The following OR5A1 variants were observed in gnomAD, a reference collection of about 807,000 sequenced individuals.
OR5A1 encodes the protein olfactory receptor family 5 subfamily A member 1, also known as olfactory receptor 5A1.
A neutral mutation model predicts 6.7 loss-of-function variants in OR5A1; 6 were observed. The ratio of observed to expected loss-of-function variants is 0.89; its 90% CI spans 0.49 to 1.76. OR5A1 has a LOEUF of 1.76. Among genes scored for constraint, OR5A1 ranks in the 40% most tolerant of loss-of-function variants. The pLI is 0.01. For synonymous variants in OR5A1, 170 were observed against 155.0 expected (o/e 1.10, Z -0.72); for missense variants, 378 against 381.7 (o/e 0.99, Z 0.08).
rs1179286329 is a variant in OR5A1, at chr11:59,451,334, C to T, written c.*7218C>T. 1 of 152,074 alleles carries T rather than the reference C, an allele frequency of 6.6e-6. No homozygotes were observed. Among genetic ancestry groups the T allele is most frequent in the Non-Finnish European group, 1.5e-5 (1 of 68,014 alleles). The allele number at this position is 152,074 out of a possible 1,614,324, so 9.4% of individuals were successfully genotyped here. On this transcript the variant is annotated 3_prime_UTR_variant, in exon 2 of 2. Transcript: ENST00000641045. ...CAAGAGATCCTCCCTCCTTGGCCTC[C>T]TAATATATTTATCTGATCAATAGTT...
At position 59,444,183 on chromosome 11, in the gene OR5A1, C is replaced by T. The variant is rs1306183855; in HGVS notation, c.*67C>T. Reference sequence around the variant, plus strand: ...AAACAATCCAAGCCTTCACCTCCACCTCTGCCTCAGGCAAGGGAGATATTT... The same window carrying T: ...AAACAATCCAAGCCTTCACCTCCACTTCTGCCTCAGGCAAGGGAGATATTT... On this transcript the variant is annotated 3_prime_UTR_variant, in exon 2 of 2. Transcript: ENST00000641045. 5.6e-6 allele frequency: 6 copies of T among 1,076,538 alleles called. No individual in the cohort carries two copies. The highest frequency in any genetic ancestry group is 8.3e-6 in the Non-Finnish European group (6 of 726,054). 66.7% of individuals were successfully genotyped at this position (1,076,538 alleles called of 1,614,324 possible).
At position 59,448,432 on chromosome 11, in the gene OR5A1, A is replaced by G. The variant is rs936778568; in HGVS notation, c.*4316A>G. On this transcript the variant is annotated 3_prime_UTR_variant, in exon 2 of 2. Transcript: ENST00000641045. ...CAATTTGTCAGTATCTCCAGGTCTC[A>G]GTCAAGGCCTCTTTATGATGACGTT... The G allele has an allele frequency of 2.0e-5, 3 of 152,330 alleles. No individual in the cohort carries two copies. The highest frequency in any genetic ancestry group is 7.2e-5 in the African/African-American group (3 of 41,576). The allele number at this position is 152,330 out of a possible 1,614,324, so 9.4% of individuals were successfully genotyped here. A position where few individuals can be genotyped will look rare whatever the true frequency, so the allele number is the denominator to read the frequency against.
At chr11:59,439,157 A>G (rs534203428) in intron 1 of OR5A1, among the ~76,000 whole-genome samples, 5 of 152,338 alleles carry the variant, frequency 3.3e-5, no homozygotes, top group African/African-American at 9.6e-5. Context: ...AAATTTTGTT[A>G]CAAAGTTTAA....
At chr11:59,442,988 T>A in intron 1 of OR5A1, 148 bp from the exon 2 acceptor site, 1 of 589,920 alleles carries the variant, frequency 1.7e-6, no homozygotes, top group Non-Finnish European at 3.0e-6. Flanking sequence ...CTCCCTTCTT[T>A]GAGAGAGAGA....
rs1005181995 is a variant in OR5A1, at chr11:59,449,945, T to C, written c.*5829T>C. The C allele has an allele frequency of 2.2e-4, 33 of 152,052 alleles. No homozygotes were observed. Among genetic ancestry groups the C allele is most frequent in the African/African-American group, 7.2e-4 (30 of 41,388 alleles). 9.4% of individuals were successfully genotyped at this position (152,052 alleles called of 1,614,324 possible). The stretch of plus-strand genomic sequence containing the variant: ...AATCCTTGCCTTCAGGGAGTTTACA[T>C]TGGGAGGAAAAGGCAGACACACATA... On this transcript the variant is annotated 3_prime_UTR_variant, in exon 2 of 2. Coordinates refer to ENST00000641045, the MANE Select transcript of OR5A1 (RefSeq NM_001004728.2).
At position 59,443,838 on chromosome 11, in the gene OR5A1, A is replaced by G. The variant is rs763755610; in HGVS notation, c.670A>G (p.Ile224Val). Reference sequence around the variant, plus strand: ...CCAACTCCTTATCTCCTATGGTTACATAGTGTCTGCGGTCCTGAAGATCCC... The same window carrying G: ...CCAACTCCTTATCTCCTATGGTTACGTAGTGTCTGCGGTCCTGAAGATCCC... ...FLQLLISYGY[I>V]VSAVLKIPSA... is the part of the protein sequence containing the mutation. The change falls in exon 2 of 2, where the codon ATA (isoleucine) becomes GTA (valine). Residue 224 changes from isoleucine (I) to valine (V), a missense_variant. By Grantham distance (29) the Ile-to-Val change is conservative. Transcript: ENST00000641045. The G allele has an allele frequency of 3.7e-6, 6 of 1,614,010 alleles. No individual in the cohort carries two copies. Among genetic ancestry groups the G allele is most frequent in the Non-Finnish European group, 5.1e-6 (6 of 1,179,974 alleles).
In OR5A1 at chr11:59,444,199, G is replaced by A; in HGVS notation, c.*83G>A. On this transcript the variant is annotated 3_prime_UTR_variant, in exon 2 of 2. Transcript: ENST00000641045. ...CACCTCCACCTCTGCCTCAGGCAAG[G>A]GAGATATTTGGTGCTCTCATTTGTG... 1.1e-6 allele frequency: 1 copy of A among 894,140 alleles called. No homozygotes were observed. The highest frequency in any genetic ancestry group is 1.6e-5 in the South Asian group (1 of 63,466). The allele number at this position is 894,140 out of a possible 1,614,324, so 55.4% of individuals were successfully genotyped here. A position where few individuals can be genotyped will look rare whatever the true frequency, so the allele number is the denominator to read the frequency against.
chr11:59,440,955 T>TA (rs1458307938), intron 1 of OR5A1, among the ~76,000 whole-genome samples: 1 of 151,998 alleles, frequency 6.6e-6, no homozygotes, highest in African/African-American at 2.4e-5. Flanking sequence ...GGTTTAGCAA[T>TA]AAAAAATAAG....
chr11:59,441,210 T>A (rs1858477220), intron 1 of OR5A1, among the ~76,000 whole-genome samples: 1 of 152,198 alleles, frequency 6.6e-6, no homozygotes. Flanking sequence ...ATGACTTCTA[T>A]AATATATACA....
rs964359871 is a variant in OR5A1, at chr11:59,447,721, T to A, written c.*3605T>A. 4 of 152,190 alleles carry A rather than the reference T, an allele frequency of 2.6e-5. No individual in the cohort carries two copies. 9.4% of individuals were successfully genotyped at this position (152,190 alleles called of 1,614,324 possible). A position where few individuals can be genotyped will look rare whatever the true frequency, so the allele number is the denominator to read the frequency against. On this transcript the variant is annotated 3_prime_UTR_variant, in exon 2 of 2. Transcript: ENST00000641045. ...TTAATAATGTTAAATCGACAGATAA[T>A]GTTCTGTTGGAGGACATGGCTTTGA... is the stretch of plus-strand genomic sequence containing the variant.
intron 1 of OR5A1, among the ~76,000 whole-genome samples, chr11:59,439,808 A>G (rs1858461924): frequency 6.6e-6 from 1 of 152,204 alleles, no homozygotes; most frequent in Non-Finnish European, 1.5e-5. Flanking sequence ...CCTCACTCGT[A>G]AACACTTCTT....
In OR5A1 at chr11:59,450,196, A is replaced by G. The variant is rs1858601204; in HGVS notation, c.*6080A>G. 1 of 152,240 alleles carries G rather than the reference A, an allele frequency of 6.6e-6. No individual in the cohort carries two copies. 9.4% of individuals were successfully genotyped at this position (152,240 alleles called of 1,614,324 possible). A position where few individuals can be genotyped will look rare whatever the true frequency, so the allele number is the denominator to read the frequency against. On this transcript the variant is annotated 3_prime_UTR_variant, in exon 2 of 2. Coordinates refer to ENST00000641045, the MANE Select transcript of OR5A1 (RefSeq NM_001004728.2). ...TGTTCAATCATGCAACCCTGAGGTT[A>G]CAAAATAGAAAGGCTATCGTTTGAT... is the stretch of plus-strand genomic sequence containing the variant.
intron 1 of OR5A1, among the ~76,000 whole-genome samples, chr11:59,441,650 C>T (rs373373262): frequency 4.9e-4 from 75 of 152,292 alleles, no homozygotes; most frequent in African/African-American, 1.6e-3. Context: ...GATTAATGTG[C>T]ATTGAGACTC....
chr11:59,441,289 T>C (rs1313433642), intron 1 of OR5A1, among the ~76,000 whole-genome samples: 1 of 151,688 alleles, frequency 6.6e-6, no homozygotes, highest in African/African-American at 2.4e-5. Context: ...ACATAAAAAG[T>C]ATACACCAAA....
chr11:59,444,228 A>G lies in OR5A1; in HGVS notation c.*112A>G. On this transcript the variant is annotated 3_prime_UTR_variant, in exon 2 of 2. Coordinates refer to ENST00000641045, the MANE Select transcript of OR5A1 (RefSeq NM_001004728.2). ...ATATTTGGTGCTCTCATTTGTGGAGACTCTTCCCTCCAGATTCCTCTCACC... is the reference window on the plus strand; with the variant it reads ...ATATTTGGTGCTCTCATTTGTGGAGGCTCTTCCCTCCAGATTCCTCTCACC... 1.5e-6 allele frequency: 1 copy of G among 674,344 alleles called. No individual in the cohort carries two copies. Among genetic ancestry groups the G allele is most frequent in the Non-Finnish European group, 2.5e-6 (1 of 403,982 alleles). 41.8% of individuals were successfully genotyped at this position (674,344 alleles called of 1,614,324 possible). A position where few individuals can be genotyped will look rare whatever the true frequency, so the allele number is the denominator to read the frequency against.
chr11:59,438,698 C>G (rs1858449309), intron 1 of OR5A1, among the ~76,000 whole-genome samples: 1 of 152,172 alleles, frequency 6.6e-6, no homozygotes, highest in Non-Finnish European at 1.5e-5. Flanking sequence ...CACACAGCCT[C>G]AATTATTAGT....
chr11:59,444,127 G>C lies in OR5A1; in HGVS notation c.*11G>C. On this transcript the variant is annotated 3_prime_UTR_variant, in exon 2 of 2. Coordinates refer to ENST00000641045, the MANE Select transcript of OR5A1 (RefSeq NM_001004728.2). ...AAAGTGTTTTCTTAGGTCATGCGTA[G>C]AAACTTATTTATCCAAACTGCTGGA... 2.5e-6 allele frequency: 4 copies of C among 1,569,560 alleles called. No individual in the cohort carries two copies. Among genetic ancestry groups the C allele is most frequent in the South Asian group, 2.2e-5 (2 of 89,614 alleles).
At position 59,436,909 on chromosome 11, in the gene OR5A1, CA is replaced by C. The variant is rs1858422435; in HGVS notation, c.-34+75del. On this transcript the variant is annotated intron_variant, in intron 1 of 1. Transcript: ENST00000641045. ...ATAGAATTCCCTATATCCACAAGCC[CA>C]TATAGGTAACCAATAAGTTCTTTGA... 3 of 152,328 alleles carry C rather than the reference CA, an allele frequency of 2.0e-5. No individual in the cohort carries two copies. In the East Asian group the frequency reaches 5.8e-4, roughly 29 times the overall value. 9.4% of individuals were successfully genotyped at this position (152,328 alleles called of 1,614,324 possible). A position where few individuals can be genotyped will look rare whatever the true frequency, so the allele number is the denominator to read the frequency against.
At chr11:59,437,128 C>T (rs920995131) in intron 1 of OR5A1, among the ~76,000 whole-genome samples, 3 of 152,112 alleles carry the variant, frequency 2.0e-5, no homozygotes, top group Non-Finnish European at 2.9e-5. Context: ...GATCAATCTC[C>T]CCCACCACAG....
Sources: gnomAD v4.1 joint callset for allele counts (sites outside exome capture counted in the v4.1 genomes callset) on GRCh38, gnomAD v4.1.1 for gene constraint, MANE v1.5 for transcripts, NCBI Gene and HGNC (gene_info 2026-07-23, HGNC 2026-07-21) for gene names.